EMILIN2: variants seen among roughly 807,000 people sequenced by gnomAD.
EMILIN2 encodes the protein elastin microfibril interfacer 2.
A neutral mutation model predicts 87.1 loss-of-function variants in EMILIN2; 71 were observed. That is an observed-to-expected ratio of 0.82 (90% CI 0.67 to 0.99). The LOEUF (loss-of-function observed/expected upper bound fraction) is 0.99, where lower values mean the gene tolerates loss of function less well. Among genes scored for constraint, EMILIN2 ranks in the 50% least tolerant of loss-of-function variants. EMILIN2 has a pLI of 0.00. For synonymous variants in EMILIN2, 581 were observed against 563.4 expected, an observed-to-expected ratio of 1.03 and a Z score of -0.44; for missense variants, 1,407 against 1,371.8, an observed-to-expected ratio of 1.03 and a Z score of -0.40.
At position 2,892,093 on chromosome 18, in the gene EMILIN2, C is replaced by G. The variant is rs1323527713; in HGVS notation, c.1966C>G (p.Leu656Val). Residue 656 changes from leucine to valine, a missense_variant, in exon 4 of 8, where the codon CTG (leucine) becomes GTG (valine). Physicochemically the swap from Leu to Val is conservative, Grantham distance 32. Coordinates refer to ENST00000254528, the MANE Select transcript of EMILIN2 (RefSeq NM_032048.3). ...VGEQERTVDTLPSPQHPVAHC... is the reference protein window; with the variant it reads ...VGEQERTVDTVPSPQHPVAHC... ...TGAGCAAGAAAGGACAGTGGACACC[C>G]TGCCGTCCCCCCAGCACCCCGTGGC... The G allele has an allele frequency of 6.2e-7, 1 of 1,613,912 alleles. No individual in the cohort carries two copies. Among genetic ancestry groups the G allele is most frequent in the Non-Finnish European group, 8.5e-7 (1 of 1,179,828 alleles).
chr18:2,868,656 C>T (rs1231667758), intron 2 of EMILIN2, among the ~76,000 whole-genome samples: 36 of 152,320 alleles, frequency 2.4e-4, no homozygotes, highest in Admixed American at 2.2e-3. Context: ...ACCAGTCAGG[C>T]GTGGGGGCGC....
chr18:2,912,032 CTTTTTT>C (rs35260656), intron 7 of EMILIN2, among the ~76,000 whole-genome samples: 15 of 73,150 alleles, frequency 2.1e-4, no homozygotes, highest in South Asian at 1.0e-3. Flanking sequence ...CTGACAACCA[CTTTTTT>C]TTTTTTTTTT....
intron 2 of EMILIN2, among the ~76,000 whole-genome samples, chr18:2,854,308 A>G (rs1446635028): frequency 1.3e-5 from 2 of 152,144 alleles, no homozygotes; most frequent in Non-Finnish European, 2.9e-5. Context: ...GGGTGGGGCC[A>G]ACACACAGAG....
At chr18:2,910,449 C>T (rs2076935279) in intron 7 of EMILIN2, among the ~76,000 whole-genome samples, 1 of 152,194 alleles carries the variant, frequency 6.6e-6, no homozygotes, top group South Asian at 2.1e-4. Context: ...TCAGTGTCCA[C>T]CTGGGCTGGG....
At chr18:2,876,630 G>T (rs1203084174) in intron 2 of EMILIN2, among the ~76,000 whole-genome samples, 1 of 125,504 alleles carries the variant, frequency 8.0e-6, no homozygotes, top group Non-Finnish European at 1.8e-5. Context: ...GCCGGGTGTG[G>T]TGGCGGGCGC....
At chr18:2,901,495 G>A (rs2076888047) in intron 4 of EMILIN2, among the ~76,000 whole-genome samples, 1 of 152,192 alleles carries the variant, frequency 6.6e-6, no homozygotes, top group African/African-American at 2.4e-5. Flanking sequence ...TTTAATAGGA[G>A]CTTTCGAGGA....
chr18:2,888,726 A>G (rs920861803), intron 3 of EMILIN2, among the ~76,000 whole-genome samples: 5 of 151,620 alleles, frequency 3.3e-5, no homozygotes, highest in African/African-American at 9.7e-5. Flanking sequence ...AAAAAAAAAA[A>G]AAAAAGAGAG....
At chr18:2,905,690 C>A (rs950231443) in intron 4 of EMILIN2, among the ~76,000 whole-genome samples, 7 of 152,068 alleles carry the variant, frequency 4.6e-5, no homozygotes, top group African/African-American at 1.7e-4. Flanking sequence ...GCAACCTCCA[C>A]CTCCTGGGTT....
chr18:2,909,628 AG>A, intron 6 of EMILIN2, 62 bp from the exon 7 acceptor site: 1 of 1,578,444 alleles, frequency 6.3e-7, no homozygotes, highest in South Asian at 1.2e-5. Flanking sequence ...TCAGTTTTCC[AG>A]GCCCTCCCCC....
In EMILIN2 at chr18:2,873,482, T is replaced by C. The variant is rs899762023; in HGVS notation, c.258-11482T>C. On this transcript the variant is annotated intron_variant, in intron 2 of 7. Transcript: ENST00000254528. ...CAGCACTTTGGGAGGCCGAGGCGGGTGGATCACGAGGTCAGGAGATCGAGA... is the reference window on the plus strand; with the variant it reads ...CAGCACTTTGGGAGGCCGAGGCGGGCGGATCACGAGGTCAGGAGATCGAGA... Among the ~76,000 whole-genome samples the C allele has an allele frequency of 4.5e-3, 683 of 151,094 alleles. 8 individuals are homozygous for C. The highest frequency in any genetic ancestry group is 0.016 in the African/African-American group (638 of 40,918).
chr18:2,848,017 C>T lies in EMILIN2; in HGVS notation c.257+86C>T. The T allele has an allele frequency of 7.0e-7, 1 of 1,419,790 alleles. No homozygotes were observed. Among genetic ancestry groups the T allele is most frequent in the Non-Finnish European group, 9.3e-7 (1 of 1,071,860 alleles). The allele number at this position is 1,419,790 out of a possible 1,614,324, so 87.9% of individuals were successfully genotyped here. A position where few individuals can be genotyped will look rare whatever the true frequency, so the allele number is the denominator to read the frequency against. ...TGGGGTTGCTGCGCTGGGCTCCAGT[C>T]CCTCCGGTAAATCCCTTCCAGATCC... On this transcript the variant is annotated intron_variant, in intron 2 of 7. Transcript: ENST00000254528. This position sits in a 1 kb window ranked among gnomAD's most constrained non-coding sequence, Gnocchi z 4.1.
chr18:2,872,343 A>AT (rs1466083817), intron 2 of EMILIN2, among the ~76,000 whole-genome samples: 2 of 152,120 alleles, frequency 1.3e-5, no homozygotes, highest in African/African-American at 2.4e-5. Context: ...CATGGCTTGT[A>AT]TTTTTTAAAT....
intron 5 of EMILIN2, among the ~76,000 whole-genome samples, chr18:2,908,663 G>T (rs777626819): frequency 6.6e-6 from 1 of 152,186 alleles, no homozygotes; most frequent in Admixed American, 6.5e-5. Context: ...AGTCTCCAAG[G>T]CTCCAGTGCC....
Position 2,913,758 on chromosome 18 carries a change from G to A in EMILIN2, c.*354G>A, listed in dbSNP as rs1391667259. On this transcript the variant is annotated 3_prime_UTR_variant, in exon 8 of 8. Coordinates refer to ENST00000254528, the MANE Select transcript of EMILIN2 (RefSeq NM_032048.3). The stretch of plus-strand genomic sequence containing the variant: ...GGGAGGAGGGAGGCAGGGGAGAGCC[G>A]GTCACGGTGGCTGGTCTTTACTGCA... The A allele has an allele frequency of 2.5e-5, 6 of 241,860 alleles. No homozygotes were observed. Among genetic ancestry groups the A allele is most frequent in the Non-Finnish European group, 4.8e-5 (6 of 124,222 alleles). The allele number at this position is 241,860 out of a possible 1,614,324, so 15.0% of individuals were successfully genotyped here. A position where few individuals can be genotyped will look rare whatever the true frequency, so the allele number is the denominator to read the frequency against.
chr18:2,862,275 A>G (rs2076664901), intron 2 of EMILIN2, among the ~76,000 whole-genome samples: 1 of 152,112 alleles, frequency 6.6e-6, no homozygotes, highest in African/African-American at 2.4e-5. Context: ...AGTATGTTGA[A>G]TAGGAGTGGT....
At position 2,847,740 on chromosome 18, in the gene EMILIN2, C is replaced by CCT; in HGVS notation, c.135-65_135-64dup. ...CTCGCTCGGTCTGGTGCCGCAGTCC[C>CCT]CTCTCCCCTGGCCTCATTGTTCTCC... On this transcript the variant is annotated intron_variant, in intron 1 of 7. Coordinates refer to ENST00000254528, the MANE Select transcript of EMILIN2 (RefSeq NM_032048.3). The surrounding 1 kb of genome is among the most constrained non-coding windows in gnomAD (Gnocchi z 4.5). 1 of 1,566,286 alleles carries CCT rather than the reference C, an allele frequency of 6.4e-7. No individual in the cohort carries two copies. The highest frequency in any genetic ancestry group is 8.6e-7 in the Non-Finnish European group (1 of 1,160,396).
At chr18:2,858,551 A>ATG (rs1568453987) in intron 2 of EMILIN2, among the ~76,000 whole-genome samples, 1 of 48,458 alleles carries the variant, frequency 2.1e-5, no homozygotes, top group African/African-American at 1.4e-4. Flanking sequence ...ATATATATAT[A>ATG]TATATATATA....
At chr18:2,888,677 T>C (rs748972620) in intron 3 of EMILIN2, among the ~76,000 whole-genome samples, 34 of 142,018 alleles carry the variant, frequency 2.4e-4, no homozygotes, top group Non-Finnish European at 4.8e-4. Flanking sequence ...ATAGCACCAC[T>C]GCACTCCAGC....
At chr18:2,871,972 T>G (rs2076721991) in intron 2 of EMILIN2, among the ~76,000 whole-genome samples, 1 of 152,256 alleles carries the variant, frequency 6.6e-6, no homozygotes, top group African/African-American at 2.4e-5. Flanking sequence ...GCAAATGTTA[T>G]AAATCTTAGT....
Sources: allele counts gnomAD v4.1 joint callset (sites outside exome capture counted in the v4.1 genomes callset), GRCh38; gene constraint gnomAD v4.1.1; non-coding constraint Gnocchi (gnomAD v3.1); transcripts MANE v1.5; gene names NCBI Gene and HGNC (gene_info 2026-07-23, HGNC 2026-07-21).